PROM1: variants seen among roughly 807,000 people sequenced by gnomAD.
PROM1 encodes prominin 1.
PROM1 carries 105 observed loss-of-function variants against 116.9 expected under a neutral mutation model. The ratio of observed to expected loss-of-function variants is 0.90; its 90% CI spans 0.77 to 1.06. The LOEUF is 1.06. Among genes scored for constraint, PROM1 ranks in the 50% least tolerant of loss-of-function variants. The pLI is 0.00. For synonymous variants in PROM1, 393 were observed against 387.0 expected (o/e 1.02, Z -0.18); for missense variants, 1,122 against 1,045.2 (o/e 1.07, Z -1.01).
intron 2 of PROM1, among the ~76,000 whole-genome samples, chr4:16,071,312 A>T (rs1258319389): frequency 6.6e-6 from 1 of 152,186 alleles, no homozygotes; most frequent in Non-Finnish European, 1.5e-5. Context: ...CTCTGCTGGA[A>T]GGCTTCCTCA....
intron 3 of PROM1, among the ~76,000 whole-genome samples, chr4:16,037,064 G>C (rs562750674): frequency 5.3e-5 from 8 of 152,276 alleles, no homozygotes; most frequent in African/African-American, 1.9e-4. Context: ...GACCCTGCCA[G>C]GGACGGTGGC....
At chr4:16,053,844 C>G (rs905807361) in intron 2 of PROM1, among the ~76,000 whole-genome samples, 10 of 152,190 alleles carry the variant, frequency 6.6e-5, no homozygotes, top group African/African-American at 2.4e-4. Flanking sequence ...CCTATAATCC[C>G]AGCACTCTGG....
At chr4:16,081,812 T>A (rs989748084) in intron 1 of PROM1, among the ~76,000 whole-genome samples, 1 of 152,048 alleles carries the variant, frequency 6.6e-6, no homozygotes, top group Non-Finnish European at 1.5e-5. Flanking sequence ...ACAAAGAAAC[T>A]GTCTCGTATA....
chr4:16,075,598 T>A, intron 2 of PROM1, 89 bp downstream of exon 2: 1 of 1,245,044 alleles, frequency 8.0e-7, no homozygotes, highest in East Asian at 2.6e-5. Context: ...ATACTGAATA[T>A]ATTATATATT....
At chr4:15,973,285 A>T (rs1395515451) in intron 26 of PROM1, among the ~76,000 whole-genome samples, 1 of 152,118 alleles carries the variant, frequency 6.6e-6, no homozygotes, top group Non-Finnish European at 1.5e-5. Flanking sequence ...CATCTCTACT[A>T]ATAACAGAAA....
rs116755911 is a variant in PROM1 at position 16,046,349 on chromosome 4, T to G, written c.221-7348A>C. On this transcript the variant is annotated intron_variant, in intron 2 of 27. Coordinates refer to ENST00000447510, the MANE Select transcript of PROM1 (RefSeq NM_006017.3). ...CCCTCTGAGTCTTGTCTTCCCTCAT[T>G]GGGCTAGGCCCGCTGGGTTTTGTTT... Among the ~76,000 whole-genome samples the G allele has an allele frequency of 4.7e-3, 723 of 152,376 alleles. 6 individuals carry two copies. Among genetic ancestry groups the G allele is most frequent in the African/African-American group, 0.016 (671 of 41,596 alleles).
intron 26 of PROM1, chr4:15,976,073 G>A (rs947335058): frequency 1.0e-4 from 43 of 425,374 alleles, no homozygotes; most frequent in Admixed American, 3.8e-4. Flanking sequence ...TGAAGTGCTA[G>A]GCCCTTAACA....
chr4:15,979,925 A>T (rs767427626), intron 24 of PROM1, 21 bp from the exon 25 acceptor site: 7 of 1,330,566 alleles, frequency 5.3e-6, no homozygotes, highest in Non-Finnish European at 7.2e-6. Context: ...CAAAAAAGGG[A>T]GATAAAATTA....
chr4:15,971,374 GTGT>G (rs1249240737), intron 26 of PROM1: 1 of 341,058 alleles, frequency 2.9e-6, no homozygotes, highest in Non-Finnish European at 5.4e-6. Context: ...CTAAGAATAC[GTGT>G]TGAAGACATT....
intron 13 of PROM1, 140 bp downstream of exon 13, chr4:16,006,398 A>T: frequency 7.1e-6 from 7 of 981,252 alleles, no homozygotes; most frequent in Non-Finnish European, 1.0e-5. Context: ...TCACAGCAGG[A>T]TCTCTCCTCC....
At chr4:16,079,286 G>A (rs1289492491) in intron 1 of PROM1, 1 of 152,160 alleles carries the variant, frequency 6.6e-6, no homozygotes, top group Non-Finnish European at 1.5e-5. Context: ...GCAGGGGAAG[G>A]GAAATTCCCA....
chr4:15,992,479 G>A lies in PROM1; in HGVS notation c.1768-88C>T, dbSNP rs561456918. On this transcript the variant is annotated intron_variant, in intron 16 of 27. Coordinates refer to ENST00000447510, the MANE Select transcript of PROM1 (RefSeq NM_006017.3). ...TTTAAAAGAGCAATAAAAGCTGGATGTGGTGGCTCATGCCTGCAATCCTAG... is the reference window on the plus strand; with the variant it reads ...TTTAAAAGAGCAATAAAAGCTGGATATGGTGGCTCATGCCTGCAATCCTAG... 6.4e-4 allele frequency: 913 copies of A among 1,416,978 alleles called. 12 individuals carry two copies. In the South Asian group the frequency reaches 0.011, roughly 18 times the overall value. The allele number at this position is 1,416,978 out of a possible 1,614,324, so 87.8% of individuals were successfully genotyped here. A position where few individuals can be genotyped will look rare whatever the true frequency, so the allele number is the denominator to read the frequency against.
chr4:15,998,544 T>A, intron 14 of PROM1, 56 bp from the exon 15 acceptor site: 1 of 1,370,774 alleles, frequency 7.3e-7, no homozygotes, highest in Admixed American at 3.5e-5. Flanking sequence ...ACATACATAC[T>A]AATATAATAA....
chr4:16,016,614 C>T (rs1193881018), intron 9 of PROM1, among the ~76,000 whole-genome samples: 1 of 152,154 alleles, frequency 6.6e-6, no homozygotes, highest in Admixed American at 6.5e-5. Context: ...AGTGAGTAAT[C>T]TGGAATCGTT....
chr4:16,039,897 T>C (rs532575879), intron 2 of PROM1, among the ~76,000 whole-genome samples: 90 of 152,190 alleles, frequency 5.9e-4, no homozygotes, highest in African/African-American at 1.9e-3. Context: ...GAGCCACCTC[T>C]TAACCCTGAG....
At chr4:16,024,897 A>AT (rs1234480923) in intron 6 of PROM1, among the ~76,000 whole-genome samples, 3 of 152,296 alleles carry the variant, frequency 2.0e-5, no homozygotes, top group South Asian at 4.1e-4. Context: ...AAAAACTTTC[A>AT]TTTTTTTAAA....
intron 26 of PROM1, chr4:15,972,044 G>T (rs914015986): frequency 6.6e-6 from 1 of 152,184 alleles, no homozygotes; most frequent in Admixed American, 6.5e-5. Flanking sequence ...AAGGACTGTA[G>T]GCTCTGGCAA....
chr4:15,968,298 T>A lies in PROM1; in HGVS notation c.*1095A>T, dbSNP rs1018361531. The A allele has an allele frequency of 6.6e-6, 1 of 152,192 alleles. No homozygotes were observed. Among genetic ancestry groups the A allele is most frequent in the African/African-American group, 2.4e-5 (1 of 41,448 alleles). The allele number at this position is 152,192 out of a possible 1,614,324, so 9.4% of individuals were successfully genotyped here. A position where few individuals can be genotyped will look rare whatever the true frequency, so the allele number is the denominator to read the frequency against. On this transcript the variant is annotated 3_prime_UTR_variant, in exon 28 of 28. Transcript: ENST00000447510. ...TGCACATGAAAAGACCTGGGGGGAATGCCTACATCTGGAATTTCATTACAT... is the reference window on the plus strand; with the variant it reads ...TGCACATGAAAAGACCTGGGGGGAAAGCCTACATCTGGAATTTCATTACAT...
Position 16,018,344 on chromosome 4 carries a change from A to AAGCCAG in PROM1, c.980_981insCTGGCT (p.Asn327_Ser328insTrpLeu), listed in dbSNP as rs1560497085. 3 of 1,613,246 alleles carry AAGCCAG rather than the reference A, an allele frequency of 1.9e-6. No homozygotes were observed. The African/African-American group carries it at 4.0e-5, about 22-fold the overall frequency. On this transcript the variant is annotated inframe_insertion, in exon 9 of 28. Coordinates refer to ENST00000447510, the MANE Select transcript of PROM1 (RefSeq NM_006017.3). ...TCACCTGCCTCAGTTCAGGGTTGCTATTCAGCTGGCTTAGAGACAATCTGA... is the reference window on the plus strand; with the variant it reads ...TCACCTGCCTCAGTTCAGGGTTGCTAAGCCAGTTCAGCTGGCTTAGAGACAATCTGA...
Sources: allele counts gnomAD v4.1 joint callset (sites outside exome capture counted in the v4.1 genomes callset), GRCh38; gene constraint gnomAD v4.1.1; transcripts MANE v1.5; gene names NCBI Gene and HGNC (gene_info 2026-07-23, HGNC 2026-07-21).